The following KSR1 variants were observed in gnomAD, a reference collection of about 807,000 sequenced individuals.
The protein encoded by KSR1 is kinase suppressor of ras 1.
KSR1 carries 35 observed loss-of-function variants against 92.9 expected under a neutral mutation model. That is an observed-to-expected ratio of 0.38 (90% CI 0.29 to 0.50). The LOEUF is 0.50. Ranked by LOEUF, KSR1 falls within the 20% of genes least tolerant of loss-of-function variation. The pLI, the probability that KSR1 is intolerant of heterozygous loss-of-function variation, is 0.94. For synonymous variants in KSR1, 467 were observed against 472.6 expected (o/e 0.99, Z 0.15); for missense variants, 972 against 1,158.5 (o/e 0.84, Z 2.34).
At chr17:27,553,843 C>A (rs1381546764) in intron 2 of KSR1, among the ~76,000 whole-genome samples, 1 of 152,208 alleles carries the variant, frequency 6.6e-6, no homozygotes, top group Admixed American at 6.5e-5. Flanking sequence ...TTCAGTTCTA[C>A]CTCTGAGAGT....
chr17:27,463,262 CA>C (rs1340828883), intron 1 of KSR1, among the ~76,000 whole-genome samples: 2 of 152,122 alleles, frequency 1.3e-5, no homozygotes, highest in African/African-American at 4.8e-5. Context: ...GTAATCCCAG[CA>C]CCTTGAGAGG....
chr17:27,501,270 T>C (rs2069168505), intron 1 of KSR1, among the ~76,000 whole-genome samples: 1 of 150,348 alleles, frequency 6.7e-6, no homozygotes, highest in East Asian at 1.9e-4. Flanking sequence ...TTTTCTTTTT[T>C]TTTTTTTTAA....
chr17:27,570,330 C>T (rs181257678), intron 2 of KSR1, among the ~76,000 whole-genome samples: 2 of 152,294 alleles, frequency 1.3e-5, no homozygotes, highest in African/African-American at 4.8e-5. Context: ...GCAAGTTACC[C>T]GCCCTCTCTC....
chr17:27,558,647 G>A (rs2071701867), intron 2 of KSR1, among the ~76,000 whole-genome samples: 1 of 151,962 alleles, frequency 6.6e-6, no homozygotes, highest in Non-Finnish European at 1.5e-5. Context: ...GGTCAGGGAT[G>A]CCAGACTTGA....
At chr17:27,458,470 T>G (rs2019284778) in intron 1 of KSR1, among the ~76,000 whole-genome samples, 1 of 152,158 alleles carries the variant, frequency 6.6e-6, no homozygotes, top group Non-Finnish European at 1.5e-5. Context: ...TTCCAGAGTG[T>G]GTATATAGGA....
At chr17:27,548,569 C>T (rs1386644467) in intron 1 of KSR1, among the ~76,000 whole-genome samples, 1 of 151,944 alleles carries the variant, frequency 6.6e-6, no homozygotes, top group African/African-American at 2.4e-5. Flanking sequence ...CTGGCTCATG[C>T]CTGTAATCCC....
rs543197113 is a variant in KSR1 at position 27,601,167 on chromosome 17, C to A, written c.1469-193C>A. 2.7e-5 allele frequency: 16 copies of A among 589,308 alleles called. No homozygotes were observed. In the African/African-American group the frequency reaches 2.8e-4, roughly 10 times the overall value. The allele number at this position is 589,308 out of a possible 1,614,324, so 36.5% of individuals were successfully genotyped here. A position where few individuals can be genotyped will look rare whatever the true frequency, so the allele number is the denominator to read the frequency against. On this transcript the variant is annotated intron_variant, in intron 10 of 20. Transcript: ENST00000644974. ...GCCCCTTTAGTCCTGCAGACTCCTGCCAGGGCCCATTTTCTCCCAGCTCTT... is the reference window on the plus strand; with the variant it reads ...GCCCCTTTAGTCCTGCAGACTCCTGACAGGGCCCATTTTCTCCCAGCTCTT...
Position 27,605,781 on chromosome 17 carries a change from C to T in KSR1, c.1962C>T (p.Cys654=). 1 of 1,612,636 alleles carries T rather than the reference C, an allele frequency of 6.2e-7. No homozygotes were observed. Among genetic ancestry groups the T allele is most frequent in the Non-Finnish European group, 8.5e-7 (1 of 1,179,784 alleles). The change falls in exon 14 of 21, where the codon TGC becomes TGT. Residue 654 remains cysteine, a synonymous_variant. Transcript: ENST00000644974. ...ACGTGGTGCTCTTCATGGGGGCCTG[C>T]ATGAACCCGCCCCACCTGGCCATTA... ...HENVVLFMGA[C]MNPPHLAIIT... is the part of the protein sequence containing the mutation.
chr17:27,493,597 T>A (rs967861364), intron 1 of KSR1, among the ~76,000 whole-genome samples: 3 of 152,216 alleles, frequency 2.0e-5, no homozygotes, highest in African/African-American at 7.2e-5. Flanking sequence ...CAGGGAAATG[T>A]GTTCTTAATC....
intron 1 of KSR1, among the ~76,000 whole-genome samples, chr17:27,548,572 G>A (rs1437586371): frequency 3.3e-5 from 5 of 152,012 alleles, no homozygotes; most frequent in Non-Finnish European, 7.4e-5. Flanking sequence ...GCTCATGCCT[G>A]TAATCCCAAC....
chr17:27,537,417 C>T (rs180876986), intron 1 of KSR1, among the ~76,000 whole-genome samples: 173 of 152,304 alleles, frequency 1.1e-3, no homozygotes, highest in African/African-American at 3.8e-3. Flanking sequence ...CCTGGCTGGA[C>T]GCAGTGGCTC....
At chr17:27,498,319 TA>T (rs377574933) in intron 1 of KSR1, among the ~76,000 whole-genome samples, 11 of 123,884 alleles carry the variant, frequency 8.9e-5, no homozygotes, top group African/African-American at 3.6e-4. Context: ...GCCTGGGCAA[TA>T]GAGTGAGACT....
intron 1 of KSR1, among the ~76,000 whole-genome samples, chr17:27,518,925 A>G (rs1271481784): frequency 6.6e-6 from 1 of 152,214 alleles, no homozygotes; most frequent in African/African-American, 2.4e-5. Context: ...TGTGTGCATC[A>G]TTAGCCCTGC....
chr17:27,594,261 T>TA (rs1262718046), intron 9 of KSR1, among the ~76,000 whole-genome samples: 1 of 152,088 alleles, frequency 6.6e-6, no homozygotes, highest in Non-Finnish European at 1.5e-5. Context: ...TAGGGAGCAG[T>TA]ACCATATCAT....
intron 1 of KSR1, among the ~76,000 whole-genome samples, chr17:27,507,363 G>A (rs546013098): frequency 1.2e-4 from 18 of 152,060 alleles, no homozygotes; most frequent in African/African-American, 4.1e-4. Context: ...AACCCGGGAG[G>A]TGGAGGTTGC....
In KSR1 at chr17:27,609,308, C is replaced by T; in HGVS notation, c.2204C>T (p.Ser735Leu). 6.2e-7 allele frequency: 1 copy of T among 1,613,970 alleles called. No individual in the cohort carries two copies. The highest frequency in any genetic ancestry group is 8.5e-7 in the Non-Finnish European group (1 of 1,179,886). Residue 735 changes from serine (S) to leucine (L), a missense_variant, in exon 16 of 21, where the codon TCA (serine) becomes TTA (leucine). By Grantham distance (145) the Ser-to-Leu change is moderately radical. Coordinates refer to ENST00000644974, the MANE Select transcript of KSR1 (RefSeq NM_001394583.1). Reference protein sequence around the residue: ...VITDFGLFGISGVVREGRREN... With the variant: ...VITDFGLFGILGVVREGRREN... ...ACAGACTTCGGGCTGTTTGGGATCTCAGGCGTGGTCCGAGAGGGACGGTGA... is the reference window on the plus strand; with the variant it reads ...ACAGACTTCGGGCTGTTTGGGATCTTAGGCGTGGTCCGAGAGGGACGGTGA...
intron 1 of KSR1, among the ~76,000 whole-genome samples, chr17:27,467,815 T>A (rs1480332074): frequency 1.3e-5 from 2 of 149,802 alleles, no homozygotes; most frequent in Admixed American, 6.6e-5. Flanking sequence ...TATGTTTTGT[T>A]TTTTTTTTTT....
chr17:27,578,941 T>A (rs2072632261), intron 3 of KSR1: 1 of 152,230 alleles, frequency 6.6e-6, no homozygotes, highest in Non-Finnish European at 1.5e-5. Context: ...GTTGGATGAG[T>A]CATCTGGGGC....
rs2019162609 is a variant in KSR1, at chr17:27,456,479, T to G, written c.-165T>G. On this transcript the variant is annotated 5_prime_UTR_variant, in exon 1 of 21. Transcript: ENST00000644974. The stretch of plus-strand genomic sequence containing the variant: ...GCGGCTTTCGCTTTGCTGCCGCGGC[T>G]GGGAGGGTGGAAGCGGCAGACTCAG... The G allele has an allele frequency of 5.4e-5, 20 of 371,746 alleles. No individual in the cohort carries two copies. Among genetic ancestry groups the G allele is most frequent in the Middle Eastern group, 7.1e-4 (1 of 1,406 alleles). 23.0% of individuals were successfully genotyped at this position (371,746 alleles called of 1,614,324 possible).
Sources: gnomAD v4.1 joint callset for allele counts (sites outside exome capture counted in the v4.1 genomes callset) on GRCh38, gnomAD v4.1.1 for gene constraint, MANE v1.5 for transcripts, NCBI Gene and HGNC (gene_info 2026-07-23, HGNC 2026-07-21) for gene names.